Variants in C3orf85 observed in about 807,000 individuals in gnomAD.
C3orf85 encodes the protein uncharacterized protein C3orf85.
C3orf85 carries 1 observed loss-of-function variant against 1.7 expected under a neutral mutation model. That is an observed-to-expected ratio of 0.60 (90% confidence interval 0.21 to 2.86). C3orf85 has a LOEUF of 2.86. Ranked by LOEUF, C3orf85 falls within the 30% of genes most tolerant of loss-of-function variation. C3orf85 has a pLI of 0.22. For synonymous variants in C3orf85, 17 were observed against 8.0 expected (o/e 2.13, Z -1.90); for missense variants, 29 against 21.3 (o/e 1.36, Z -0.72).
intron 2 of C3orf85, among the ~76,000 whole-genome samples, chr3:109,142,018 GA>G (rs1319206405): frequency 6.6e-6 from 1 of 151,522 alleles, no homozygotes; most frequent in East Asian, 1.9e-4. Flanking sequence ...AATAAAGCAA[GA>G]CTACATCTCA....
chr3:109,139,389 C>T (rs1184156356), intron 2 of C3orf85, among the ~76,000 whole-genome samples: 1 of 152,048 alleles, frequency 6.6e-6, no homozygotes, highest in Non-Finnish European at 1.5e-5. Context: ...CAGGACACCA[C>T]CAATGACTTT....
chr3:109,136,895 C>T lies in C3orf85; in HGVS notation c.48C>T (p.Ile16=), dbSNP rs187839586. Residue 16 remains isoleucine (I), a splice_region_variant and synonymous_variant, in exon 2 of 4, where the codon ATC becomes ATT. Coordinates refer to ENST00000622536, the MANE Select transcript of C3orf85 (RefSeq NM_001351622.2). ...TAGTCCTGTGCTCAACATTGCTTAT[C>T]GGTAAGAGCCTATTTCTTTTTTATT... ...LQVVLCSTLL[I]GALGAPFLLE... 5.7e-5 allele frequency: 24 copies of T among 420,720 alleles called. No homozygotes were observed. Among genetic ancestry groups the T allele is most frequent in the Middle Eastern group, 3.0e-4 (1 of 3,292 alleles). The allele number at this position is 420,720 out of a possible 1,614,324, so 26.1% of individuals were successfully genotyped here.
chr3:109,142,346 A>C (rs1300147828), intron 2 of C3orf85, among the ~76,000 whole-genome samples: 2 of 152,230 alleles, frequency 1.3e-5, no homozygotes, highest in Non-Finnish European at 2.9e-5. Flanking sequence ...TTCAATAAAA[A>C]TAGTAAACAA....
chr3:109,137,645 A>ATATATATATATATG (rs1559968091), intron 2 of C3orf85, among the ~76,000 whole-genome samples: 39 of 139,010 alleles, frequency 2.8e-4, no homozygotes, highest in Non-Finnish European at 7.9e-5. Context: ...GTGTATATAT[A>ATATATATATATATG]TATATATATA....
rs1553767249 is a variant in C3orf85, at chr3:109,137,637, G to GTATATATATATATATA, written c.49+758_49+773dup. ...TGTATATATGTGTGTGTGTGTGTGT[G>GTATATATATATATATA]TATATATATATATATATATATATAT... On this transcript the variant is annotated intron_variant, in intron 2 of 3. Transcript: ENST00000622536. Among the ~76,000 whole-genome samples the GTATATATATATATATA allele has an allele frequency of 1.2e-3, 94 of 79,874 alleles. 2 individuals carry two copies. Among genetic ancestry groups the GTATATATATATATATA allele is most frequent in the Admixed American group, 2.0e-3 (11 of 5,486 alleles). 52.4% of individuals were successfully genotyped at this position (79,874 alleles called of 152,430 possible).
At chr3:109,139,941 A>G (rs1464408747) in intron 2 of C3orf85, among the ~76,000 whole-genome samples, 1 of 152,220 alleles carries the variant, frequency 6.6e-6, no homozygotes, top group Non-Finnish European at 1.5e-5. Context: ...TTAAGCTCAC[A>G]TATTCTAACA....
In C3orf85 at chr3:109,142,148, A is replaced by C. The variant is rs554924112; in HGVS notation, c.49+5252A>C. ...CCCCCTACATTTACAGAAATCTTGG[A>C]AATTTTTACACCATTACTAAGACAT... On this transcript the variant is annotated intron_variant, in intron 2 of 3. Coordinates refer to ENST00000622536, the MANE Select transcript of C3orf85 (RefSeq NM_001351622.2). 2.3e-4 allele frequency among the ~76,000 whole-genome samples: 35 copies of C among 152,336 alleles called. No individual in the cohort carries two copies. The South Asian group carries it at 6.0e-3, about 26-fold the overall frequency.
intron 3 of C3orf85, 159 bp from the exon 4 acceptor site, chr3:109,149,646 A>G (rs1706845778): frequency 5.3e-6 from 2 of 380,854 alleles, no homozygotes; most frequent in Non-Finnish European, 9.3e-6. Flanking sequence ...ATTGAAATAA[A>G]CAGATAATTA....
At position 109,148,327 on chromosome 3, in the gene C3orf85, C is replaced by A; in HGVS notation, c.124C>A (p.Gln42Lys). ...ACGTCTCAAAAGACATGTAAATTTGCAGGATTACTGGGACCCAGATCACAG... is the reference window on the plus strand; with the variant it reads ...ACGTCTCAAAAGACATGTAAATTTGAAGGATTACTGGGACCCAGATCACAG... The part of the protein sequence containing the change: ...FLRLKRHVNL[Q>K]DYWDPDHSSD... The change falls in exon 3 of 4, where the codon CAG becomes AAG. Residue 42 changes from glutamine to lysine, a missense_variant. Gln to Lys is a moderately conservative substitution (Grantham distance 53). Coordinates refer to ENST00000622536, the MANE Select transcript of C3orf85 (RefSeq NM_001351622.2). 1 of 702,724 alleles carries A rather than the reference C, an allele frequency of 1.4e-6. No homozygotes were observed. The highest frequency in any genetic ancestry group is 2.6e-6 in the Non-Finnish European group (1 of 384,786). 43.5% of individuals were successfully genotyped at this position (702,724 alleles called of 1,614,324 possible).
At chr3:109,145,187 A>G (rs1357987789) in intron 2 of C3orf85, among the ~76,000 whole-genome samples, 1 of 152,040 alleles carries the variant, frequency 6.6e-6, no homozygotes. Context: ...TCCTTTTACT[A>G]TCTGTCCTTA....
chr3:109,138,243 A>G (rs1185998203), intron 2 of C3orf85, among the ~76,000 whole-genome samples: 3 of 152,234 alleles, frequency 2.0e-5, no homozygotes, highest in Admixed American at 1.3e-4. Flanking sequence ...GTTGAAGTTT[A>G]TGAAATAGCA....
chr3:109,143,319 T>C (rs1706761612), intron 2 of C3orf85, among the ~76,000 whole-genome samples: 1 of 152,216 alleles, frequency 6.6e-6, no homozygotes, highest in Non-Finnish European at 1.5e-5. Flanking sequence ...GAATATTGTC[T>C]TTTCCCCACC....
At chr3:109,142,845 A>G (rs1448887969) in intron 2 of C3orf85, among the ~76,000 whole-genome samples, 1 of 152,160 alleles carries the variant, frequency 6.6e-6, no homozygotes, top group Admixed American at 6.5e-5. Flanking sequence ...AGAAATAAAG[A>G]AATAAGATTA....
chr3:109,138,384 A>G (rs1706703903), intron 2 of C3orf85, among the ~76,000 whole-genome samples: 1 of 152,188 alleles, frequency 6.6e-6, no homozygotes, highest in Non-Finnish European at 1.5e-5. Flanking sequence ...TTCATTCATT[A>G]CAATAACTGG....
At chr3:109,143,901 G>C (rs997269150) in intron 2 of C3orf85, among the ~76,000 whole-genome samples, 3 of 152,094 alleles carry the variant, frequency 2.0e-5, no homozygotes, top group Admixed American at 2.0e-4. Context: ...TGAAGTGTTT[G>C]CCTTGTTTCT....
intron 2 of C3orf85, among the ~76,000 whole-genome samples, chr3:109,144,861 A>C (rs1706779620): frequency 6.6e-6 from 1 of 152,184 alleles, no homozygotes; most frequent in Non-Finnish European, 1.5e-5. Context: ...CACAGCCACT[A>C]ATTTTGTTTT....
intron 2 of C3orf85, among the ~76,000 whole-genome samples, chr3:109,147,125 T>C (rs938393): frequency 0.84 from 128,385 of 152,150 alleles, 54,364 homozygotes; most frequent in East Asian, 0.91. Flanking sequence ...TCCAATTTTT[T>C]CTTCAAGGAG....
At chr3:109,137,635 GTGTATATATATATATATA>G (rs1706693088) in intron 2 of C3orf85, among the ~76,000 whole-genome samples, 3 of 48,796 alleles carry the variant, frequency 6.1e-5, no homozygotes, top group East Asian at 7.0e-4. Context: ...GTGTGTGTGT[GTGTATATATATATATATA>G]TATATATATA....
At chr3:109,140,898 T>C (rs1458464854) in intron 2 of C3orf85, among the ~76,000 whole-genome samples, 1 of 152,234 alleles carries the variant, frequency 6.6e-6, no homozygotes, top group African/African-American at 2.4e-5. Flanking sequence ...GCAATTGTAA[T>C]GCCAGTAAAG....
Sources: allele counts gnomAD v4.1 joint callset (sites outside exome capture counted in the v4.1 genomes callset), GRCh38; gene constraint gnomAD v4.1.1; transcripts MANE v1.5; gene names NCBI Gene and HGNC (gene_info 2026-07-23, HGNC 2026-07-21).